The following DGLUCY variants were observed in gnomAD, a reference collection of about 807,000 sequenced individuals.
The protein encoded by DGLUCY is D-glutamate cyclase, mitochondrial.
Under a neutral mutation model 58.5 loss-of-function variants are expected in DGLUCY, and 58 were observed. That is an observed-to-expected ratio of 0.99 (90% CI 0.80 to 1.23). DGLUCY has a LOEUF of 1.23. Ranked by LOEUF, DGLUCY falls within the 50% of genes most tolerant of loss-of-function variation. The pLI, the probability that DGLUCY is intolerant of heterozygous loss-of-function variation, is 0.00. For synonymous variants in DGLUCY, 325 were observed against 314.1 expected (o/e 1.03, Z -0.37); for missense variants, 779 against 784.7 (o/e 0.99, Z 0.09).
chr14:91,193,555 A>G (rs1427902869), intron 9 of DGLUCY, among the ~76,000 whole-genome samples: 1 of 152,114 alleles, frequency 6.6e-6, no homozygotes, highest in Non-Finnish European at 1.5e-5. Context: ...AAAAGTTTTA[A>G]AGAGGCTGAG....
chr14:91,075,414 A>T (rs942285294), intron 1 of DGLUCY, among the ~76,000 whole-genome samples: 2 of 152,064 alleles, frequency 1.3e-5, no homozygotes, highest in Non-Finnish European at 2.9e-5. Context: ...AAGTGCTGGG[A>T]TGGCAGGCAT....
At chr14:91,143,184 C>CT (rs2046823749) in intron 1 of DGLUCY, among the ~76,000 whole-genome samples, 2 of 151,884 alleles carry the variant, frequency 1.3e-5, no homozygotes, top group Non-Finnish European at 2.9e-5. Context: ...CAAGCTCTGC[C>CT]TCCCGGGTTC....
chr14:91,125,292 C>T (rs1461196305), intron 1 of DGLUCY, among the ~76,000 whole-genome samples: 1 of 152,200 alleles, frequency 6.6e-6, no homozygotes, highest in East Asian at 1.9e-4. Flanking sequence ...GGGGAACAAG[C>T]ATTTCAAACA....
intron 10 of DGLUCY, among the ~76,000 whole-genome samples, chr14:91,199,434 G>A (rs554670569): frequency 6.6e-6 from 1 of 151,058 alleles, no homozygotes; most frequent in African/African-American, 2.4e-5. Context: ...TAATTTTTTA[G>A]TAGAGATGAG....
At chr14:91,186,349 T>C (rs1232512731) in intron 8 of DGLUCY, among the ~76,000 whole-genome samples, 1 of 151,938 alleles carries the variant, frequency 6.6e-6, no homozygotes, top group Non-Finnish European at 1.5e-5. Context: ...CAAGTTCAAG[T>C]GATTCTCCTG....
chr14:91,138,791 A>T (rs886589600), intron 1 of DGLUCY, among the ~76,000 whole-genome samples: 2 of 152,072 alleles, frequency 1.3e-5, no homozygotes, highest in African/African-American at 4.8e-5. Context: ...CATGAGGATG[A>T]TGATGATTAC....
At chr14:91,086,809 A>C (rs1182604720) in intron 1 of DGLUCY, among the ~76,000 whole-genome samples, 1 of 152,148 alleles carries the variant, frequency 6.6e-6, no homozygotes, top group Admixed American at 6.6e-5. Flanking sequence ...GCTAGAGTGC[A>C]ATGGCTCGAT....
At chr14:91,112,243 C>T (rs1035339947), upstream of DGLUCY, among the ~76,000 whole-genome samples, 3 of 149,092 alleles carry the variant, frequency 2.0e-5, no homozygotes, top group African/African-American at 7.4e-5. Context: ...GAGCAAAACT[C>T]TGTCTCAAAA....
intron 1 of DGLUCY, among the ~76,000 whole-genome samples, chr14:91,069,799 C>CTTTTTTTTTTTTTTTTTTTTTTTTTT (rs5810528): frequency 2.5e-5 from 3 of 121,038 alleles, no homozygotes; most frequent in Non-Finnish European, 5.1e-5. Context: ...TGATATGCCT[C>CTTTTTTTTTTTTTTTTTTTTTTTTTT]TTTTTTTTTT....
At chr14:91,143,795 T>A (rs2046867586) in intron 1 of DGLUCY, among the ~76,000 whole-genome samples, 1 of 152,186 alleles carries the variant, frequency 6.6e-6, no homozygotes, top group South Asian at 2.1e-4. Flanking sequence ...GGTATTTGAC[T>A]AACATGATTT....
At chr14:91,088,022 A>T (rs1034882274) in intron 1 of DGLUCY, among the ~76,000 whole-genome samples, 2 of 152,106 alleles carry the variant, frequency 1.3e-5, no homozygotes, top group African/African-American at 2.4e-5. Context: ...GGGAGGTGAA[A>T]GCAGAGGGGA....
Position 91,158,829 on chromosome 14 carries a change from A to G in DGLUCY, c.-30+1139A>G, listed in dbSNP as rs1216820316. ...AGATTTTGTTGACATACTAAAACCT[A>G]TCTTTTTTTTTTTTTTTTTGAGACA... On this transcript the variant is annotated intron_variant, in intron 2 of 13. Coordinates refer to ENST00000256324, the MANE Select transcript of DGLUCY (RefSeq NM_001102368.3). The G allele has an allele frequency of 2.0e-5, 3 of 148,434 alleles. No homozygotes were observed. The East Asian group carries it at 5.9e-4, about 29-fold the overall frequency. 9.2% of individuals were successfully genotyped at this position (148,434 alleles called of 1,614,324 possible). A position where few individuals can be genotyped will look rare whatever the true frequency, so the allele number is the denominator to read the frequency against.
chr14:91,137,147 T>C (rs2046386993), intron 1 of DGLUCY, among the ~76,000 whole-genome samples: 1 of 151,754 alleles, frequency 6.6e-6, no homozygotes, highest in Admixed American at 6.6e-5. Flanking sequence ...TTTTTTTTTT[T>C]TTTCCCGTAG....
At chr14:91,136,742 G>A (rs906353395) in intron 1 of DGLUCY, among the ~76,000 whole-genome samples, 6 of 151,962 alleles carry the variant, frequency 3.9e-5, no homozygotes, top group African/African-American at 1.5e-4. Flanking sequence ...GCTGAGGCAG[G>A]TGGATTACCT....
At chr14:91,097,989 A>G (rs934031722) in intron 1 of DGLUCY, among the ~76,000 whole-genome samples, 8 of 152,212 alleles carry the variant, frequency 5.3e-5, no homozygotes, top group Non-Finnish European at 7.3e-5. Context: ...AGCATTTGCC[A>G]ATGTTCATAA....
intron 1 of DGLUCY, among the ~76,000 whole-genome samples, chr14:91,072,397 G>A (rs368191797): frequency 1.5e-4 from 22 of 151,568 alleles, no homozygotes; most frequent in African/African-American, 4.4e-4. Context: ...GATGATTTTT[G>A]TGTTCGTTTT....
At chr14:91,170,509 T>TA (rs2048521247) in intron 5 of DGLUCY, among the ~76,000 whole-genome samples, 1 of 152,172 alleles carries the variant, frequency 6.6e-6, no homozygotes. Context: ...GCGAGATTTT[T>TA]AAAAATCCTC....
At chr14:91,065,490 G>A (rs2043805193) in intron 1 of DGLUCY, among the ~76,000 whole-genome samples, 2 of 152,056 alleles carry the variant, frequency 1.3e-5, no homozygotes, top group Admixed American at 1.3e-4. Context: ...GGGATCACCT[G>A]GGATACTGAA....
rs770053427 is a variant in DGLUCY at position 91,167,573 on chromosome 14, G to A, written c.257+195G>A. ...CTGACTCCTTCCCCTATCACCTGGC[G>A]CCTGTCCTGGCTGAGATCTTTGAGA... On this transcript the variant is annotated intron_variant, in intron 4 of 13. Coordinates refer to ENST00000256324, the MANE Select transcript of DGLUCY (RefSeq NM_001102368.3). 1.2e-4 allele frequency: 94 copies of A among 757,040 alleles called. 1 individual carries two copies. Among genetic ancestry groups the A allele is most frequent in the South Asian group, 4.8e-4 (33 of 68,996 alleles). The allele number at this position is 757,040 out of a possible 1,614,324, so 46.9% of individuals were successfully genotyped here. A position where few individuals can be genotyped will look rare whatever the true frequency, so the allele number is the denominator to read the frequency against.
Sources: allele counts gnomAD v4.1 joint callset (sites outside exome capture counted in the v4.1 genomes callset), GRCh38; gene constraint gnomAD v4.1.1; transcripts MANE v1.5; gene names NCBI Gene and HGNC (gene_info 2026-07-23, HGNC 2026-07-21).